The following SLC25A29 variants were observed in gnomAD, a reference collection of about 807,000 sequenced individuals.
SLC25A29 encodes solute carrier family 25 member 29, also known as mitochondrial basic amino acids transporter.
A neutral mutation model predicts 10.0 loss-of-function variants in SLC25A29; 13 were observed. The ratio of observed to expected loss-of-function variants is 1.30; its 90% CI spans 0.85 to 2.07. SLC25A29 has a LOEUF of 2.07. SLC25A29 is among the 30% of genes most tolerant of loss of function. The pLI, the probability that SLC25A29 is intolerant of heterozygous loss-of-function variation, is 0.00. For missense variants in SLC25A29, 475 were observed against 447.6 expected (o/e 1.06, Z -0.55); for synonymous variants, 244 against 221.1 (o/e 1.10, Z -0.92).
chr14:100,279,987 GA>G, the SLC25A29 span: 1 of 152,274 alleles, frequency 6.6e-6, no homozygotes, highest in Non-Finnish European at 1.5e-5. Flanking sequence ...TCCTGTCTCT[GA>G]AATAGTCATC....
rs368742186 is a variant in SLC25A29 at position 100,303,243 on chromosome 14, A to C, written c.34+2956T>G. Among the ~76,000 whole-genome samples, 91 of 152,336 alleles carry C rather than the reference A, an allele frequency of 6.0e-4. 2 individuals are homozygous for C. The highest frequency in any genetic ancestry group is 2.2e-3 in the African/African-American group (90 of 41,570). On this transcript the variant is annotated intron_variant, in intron 1 of 3. Transcript: ENST00000359232. ...GTATCTGGATTTCCCTCGGTTTTGG[A>C]AACTGAACACTTGCCCAGGATGTGC...
At position 100,292,995 on chromosome 14, in the gene SLC25A29, A is replaced by G. The variant is rs753319358; in HGVS notation, c.200T>C (p.Met67Thr). 8.2e-6 allele frequency: 13 copies of G among 1,585,336 alleles called. No individual in the cohort carries two copies. In the African/African-American group the frequency reaches 1.5e-4, roughly 18 times the overall value. Residue 67 changes from methionine to threonine, a missense_variant, in exon 4 of 4, where the codon ATG (methionine) becomes ACG (threonine). Met to Thr is a moderately conservative substitution (Grantham distance 81). Coordinates refer to ENST00000359232, the MANE Select transcript of SLC25A29 (RefSeq NM_001039355.3). ...CAGCGCGTTGATGAAGGTGAGCCCC[A>G]TGAGCGGCGAGCCCAGGCCCTTGTA... ...GLYKGLGSPL[M>T]GLTFINALVF...
intron 2 of SLC25A29, chr14:100,295,572 G>C (rs1892086230): frequency 7.8e-7 from 1 of 1,280,282 alleles, no homozygotes; most frequent in Non-Finnish European, 1.0e-6. Context: ...TGGGGAGATG[G>C]GCATGACAGG....
downstream of SLC25A29, among the ~76,000 whole-genome samples, chr14:100,287,286 T>TATC (rs538894524): frequency 1.8e-4 from 28 of 152,334 alleles, no homozygotes; most frequent in African/African-American, 6.7e-4. Flanking sequence ...AAAAACAGTT[T>TATC]ATCAGATTTG....
chr14:100,293,453 G>T, intron 2 of SLC25A29, 76 bp from the exon 3 acceptor site: 1 of 1,377,576 alleles, frequency 7.3e-7, no homozygotes, highest in Non-Finnish European at 1.0e-6. Flanking sequence ...TGCTTAGGCT[G>T]CCTAGGAGGG....
At position 100,292,651 on chromosome 14, in the gene SLC25A29, C is replaced by T. The variant is rs201103245; in HGVS notation, c.544G>A (p.Glu182Lys). The change falls in exon 4 of 4, where the codon GAG becomes AAG. Residue 182 changes from glutamate (E) to lysine (K), a missense_variant. Glu to Lys is a moderately conservative substitution (Grantham distance 56, BLOSUM62 1). Transcript: ENST00000359232. ...YDALTRALGC[E>K]PGDRLLVPKL... ...GGCACCAGCAGGCGGTCGCCCGGCT[C>T]GCAGCCCAGCGCCCGCGTGAGAGCG... 1.1e-5 allele frequency: 17 copies of T among 1,596,292 alleles called. No individual in the cohort carries two copies. The highest frequency in any genetic ancestry group is 1.3e-5 in the Non-Finnish European group (15 of 1,173,276).
intron 1 of SLC25A29, chr14:100,305,603 C>A: frequency 6.6e-6 from 1 of 152,316 alleles, no homozygotes; most frequent in Non-Finnish European, 1.5e-5. Context: ...GGAGAAGGTG[C>A]CCCACACCGG....
downstream of SLC25A29, among the ~76,000 whole-genome samples, chr14:100,289,755 T>A (rs1367928997): frequency 1.5e-5 from 2 of 137,176 alleles, no homozygotes; most frequent in African/African-American, 5.6e-5. Flanking sequence ...GGCAGAAGAA[T>A]CACTTGAACC....
At chr14:100,296,181 T>C (rs1471751812) in intron 2 of SLC25A29, 3 of 467,634 alleles carry the variant, frequency 6.4e-6, no homozygotes, top group East Asian at 7.1e-5. Flanking sequence ...CCCAGCACTT[T>C]GGGAGGCCAA....
the SLC25A29 span, among the ~76,000 whole-genome samples, chr14:100,283,008 TGGGCTCAGGAGCAAGA>T: frequency 6.6e-6 from 1 of 152,152 alleles, no homozygotes; most frequent in African/African-American, 2.4e-5. Flanking sequence ...AGCTCCAAGG[TGGGCTCAGGAGCAAGA>T]GGGCGTTTTA....
At chr14:100,285,768 C>T in the SLC25A29 span, among the ~76,000 whole-genome samples, 1 of 152,262 alleles carries the variant, frequency 6.6e-6, no homozygotes. Flanking sequence ...GAGGGAGGGG[C>T]CACATACCAG....
At chr14:100,300,012 T>C (rs1037031394) in intron 1 of SLC25A29, 7 of 981,566 alleles carry the variant, frequency 7.1e-6, no homozygotes, top group Non-Finnish European at 8.5e-6. Flanking sequence ...GGCTCACGCC[T>C]GTAATCCCAG....
intron 1 of SLC25A29, chr14:100,299,181 CAGA>C (rs1892376297): frequency 7.7e-7 from 1 of 1,300,130 alleles, no homozygotes; most frequent in Non-Finnish European, 9.8e-7. Flanking sequence ...TGGCTGACAG[CAGA>C]AGTTGTCCCC....
At chr14:100,279,624 C>G in the SLC25A29 span, 1 of 152,250 alleles carries the variant, frequency 6.6e-6, no homozygotes, top group Non-Finnish European at 1.5e-5. Flanking sequence ...GTGCCGAGGG[C>G]TCGGATGAGA....
At chr14:100,296,762 C>T (rs934318770) in intron 2 of SLC25A29, among the ~76,000 whole-genome samples, 6 of 152,152 alleles carry the variant, frequency 3.9e-5, no homozygotes, top group Non-Finnish European at 5.9e-5. Context: ...CCACGCCCGG[C>T]TAATTTTTTG....
At chr14:100,285,052 G>A in the SLC25A29 span, among the ~76,000 whole-genome samples, 1 of 146,244 alleles carries the variant, frequency 6.8e-6, no homozygotes, top group South Asian at 2.3e-4. Flanking sequence ...AGCGGGGGGG[G>A]GCGGGGTAGC....
intron 1 of SLC25A29, among the ~76,000 whole-genome samples, chr14:100,300,225 C>T (rs535013235): frequency 2.0e-5 from 3 of 152,142 alleles, no homozygotes; most frequent in African/African-American, 7.2e-5. Flanking sequence ...GAGCTGAGAT[C>T]GCGCTACTGC....
At chr14:100,280,868 C>T in the SLC25A29 span, 1 of 151,950 alleles carries the variant, frequency 6.6e-6, no homozygotes, top group Non-Finnish European at 1.5e-5. Context: ...AGACGTGTCC[C>T]AGACTGGTCT....
Position 100,292,847 on chromosome 14 carries a change from G to A in SLC25A29, c.348C>T (p.Ala116=). 1 of 1,596,536 alleles carries A rather than the reference G, an allele frequency of 6.3e-7. No homozygotes were observed. Among genetic ancestry groups the A allele is most frequent in the Non-Finnish European group, 8.5e-7 (1 of 1,173,480 alleles). ...QCVICCPMEL[A]KTRLQLQDAG... is the part of the protein sequence containing the mutation. ...CGTCCTGCAGCTGCAGCCGCGTCTTGGCCAGCTCCATGGGGCAGCAGATGA... is the reference window on the plus strand; with the variant it reads ...CGTCCTGCAGCTGCAGCCGCGTCTTAGCCAGCTCCATGGGGCAGCAGATGA... Residue 116 remains alanine (A), a synonymous_variant, in exon 4 of 4, where the codon GCC becomes GCT. Transcript: ENST00000359232.
Sources: gnomAD v4.1 joint callset for allele counts (sites outside exome capture counted in the v4.1 genomes callset) on GRCh38, gnomAD v4.1.1 for gene constraint, MANE v1.5 for transcripts, NCBI Gene and HGNC (gene_info 2026-07-23, HGNC 2026-07-21) for gene names.